GRM8: variants seen among roughly 807,000 people sequenced by gnomAD.
GRM8 encodes the protein glutamate metabotropic receptor 8, also known as metabotropic glutamate receptor 8.
Under a neutral mutation model 87.2 loss-of-function variants are expected in GRM8, and 47 were observed. The observed-to-expected ratio is 0.54, with a 90% CI of 0.43 to 0.69. GRM8 has a LOEUF of 0.69. GRM8 is among the 30% of genes least tolerant of loss of function. GRM8 has a pLI of 0.00. For missense variants in GRM8, 1,019 were observed against 1,139.2 expected, an observed-to-expected ratio of 0.89 and a Z score of 1.52; for synonymous variants, 396 against 404.5, an observed-to-expected ratio of 0.98 and a Z score of 0.25.
At chr7:126,707,536 G>A in intron 7 of GRM8, among the ~76,000 whole-genome samples, 1 of 152,004 alleles carries the variant, frequency 6.6e-6, no homozygotes, top group East Asian at 1.9e-4. Context: ...CTATACTCTA[G>A]GTCTACGCTA....
intron 2 of GRM8, among the ~76,000 whole-genome samples, chr7:127,133,706 C>CAAAA (rs137900224): frequency 3.0e-5 from 3 of 98,784 alleles, no homozygotes; most frequent in Non-Finnish European, 4.2e-5. Flanking sequence ...ACTCCCTCTC[C>CAAAA]AAAAAAAAAA....
At chr7:127,023,392 C>T (rs1178589209) in intron 3 of GRM8, among the ~76,000 whole-genome samples, 5 of 151,962 alleles carry the variant, frequency 3.3e-5, no homozygotes, top group Non-Finnish European at 5.9e-5. Flanking sequence ...ATTTTTAAGT[C>T]TTTGTTATCA....
intron 7 of GRM8, among the ~76,000 whole-genome samples, chr7:126,731,001 T>A (rs543483468): frequency 1.4e-3 from 214 of 152,296 alleles, no homozygotes; most frequent in African/African-American, 4.6e-3. Flanking sequence ...TTAAAAGTTA[T>A]AACAAATTAT....
intron 7 of GRM8, among the ~76,000 whole-genome samples, chr7:126,617,307 C>T (rs1436824095): frequency 1.3e-5 from 2 of 152,110 alleles, no homozygotes; most frequent in Non-Finnish European, 2.9e-5. Context: ...GAAGAAAAGG[C>T]CTTTGACAAA....
At chr7:126,451,282 C>T (rs1196075640) in intron 9 of GRM8, among the ~76,000 whole-genome samples, 1 of 151,756 alleles carries the variant, frequency 6.6e-6, no homozygotes. Context: ...TAATACCGTG[C>T]TTCTAGTTCT....
At chr7:127,179,520 G>A (rs1036382437) in intron 2 of GRM8, among the ~76,000 whole-genome samples, 2 of 151,752 alleles carry the variant, frequency 1.3e-5, no homozygotes, top group East Asian at 1.9e-4. Context: ...TATAGAGAAC[G>A]TTTCATCCAA....
At chr7:126,532,766 T>C (rs1490917523) in intron 9 of GRM8, among the ~76,000 whole-genome samples, 186 bp downstream of exon 9, 1 of 2,826 alleles carries the variant, frequency 3.5e-4, no homozygotes, top group African/African-American at 3.3e-3. Context: ...CGGATGGAGA[T>C]ATATATATAT....
At chr7:126,706,393 G>A (rs936249879) in intron 7 of GRM8, among the ~76,000 whole-genome samples, 2 of 152,226 alleles carry the variant, frequency 1.3e-5, no homozygotes, top group African/African-American at 4.8e-5. Context: ...TTGAGTCTCA[G>A]GAAGAGCTTA....
intron 7 of GRM8, among the ~76,000 whole-genome samples, chr7:126,691,988 T>C (rs1428866736): frequency 2.0e-5 from 3 of 152,098 alleles, no homozygotes; most frequent in African/African-American, 7.2e-5. Context: ...TGAAGGACTG[T>C]ATGGAGTTCT....
At chr7:126,577,723 T>C (rs1412453691) in intron 8 of GRM8, among the ~76,000 whole-genome samples, 2 of 152,062 alleles carry the variant, frequency 1.3e-5, no homozygotes, top group African/African-American at 4.8e-5. Context: ...AAAAGATAAA[T>C]CTCTATGTAA....
chr7:127,225,490 A>C (rs1797265918), intron 2 of GRM8, among the ~76,000 whole-genome samples: 1 of 151,882 alleles, frequency 6.6e-6, no homozygotes, highest in Admixed American at 6.6e-5. Flanking sequence ...TGCTGGAAAA[A>C]AAAAAAAAAT....
At chr7:126,992,976 T>G (rs948556943) in intron 3 of GRM8, among the ~76,000 whole-genome samples, 1 of 152,124 alleles carries the variant, frequency 6.6e-6, no homozygotes, top group African/African-American at 2.4e-5. Flanking sequence ...CATCCGTAAC[T>G]ATGAGAAAAT....
intron 6 of GRM8, among the ~76,000 whole-genome samples, chr7:126,892,267 A>G (rs566325446): frequency 2.8e-4 from 43 of 152,066 alleles, no homozygotes; most frequent in Admixed American, 2.2e-3. Context: ...AGCATTAGGT[A>G]TATCTCCTAA....
rs190469444 is a variant in GRM8 at position 126,546,225 on chromosome 7, T to A, written c.1495-12338A>T. Among the ~76,000 whole-genome samples the A allele has an allele frequency of 7.9e-5, 12 of 152,326 alleles. No homozygotes were observed. The East Asian group carries it at 2.3e-3, about 29-fold the overall frequency. On this transcript the variant is annotated intron_variant, in intron 8 of 10. Coordinates refer to ENST00000339582, the MANE Select transcript of GRM8 (RefSeq NM_000845.3). ...TTATAACAACCCCGTGAGTTAAGTA[T>A]TTTCCTCATATTTTGTTTAAAGAAA...
At chr7:126,519,882 A>T (rs1466971222) in intron 9 of GRM8, among the ~76,000 whole-genome samples, 2 of 152,150 alleles carry the variant, frequency 1.3e-5, no homozygotes, top group African/African-American at 4.8e-5. Flanking sequence ...GGAAAAAAAT[A>T]GATCTAGGAG....
chr7:126,504,627 G>A (rs182995871), intron 9 of GRM8, among the ~76,000 whole-genome samples: 4 of 152,010 alleles, frequency 2.6e-5, no homozygotes, highest in Non-Finnish European at 4.4e-5. Flanking sequence ...TAACAAACCT[G>A]CACATGTGCC....
intron 6 of GRM8, among the ~76,000 whole-genome samples, chr7:126,881,099 T>C (rs1211071978): frequency 1.3e-5 from 2 of 152,200 alleles, no homozygotes; most frequent in Admixed American, 6.6e-5. Context: ...TATTTTCATA[T>C]GGCCTCTGTA....
At chr7:126,613,406 G>T (rs1485765716) in intron 7 of GRM8, among the ~76,000 whole-genome samples, 1 of 152,170 alleles carries the variant, frequency 6.6e-6, no homozygotes, top group Non-Finnish European at 1.5e-5. Context: ...GGGGTTCCAA[G>T]ATGGCCAAAT....
chr7:127,199,739 C>T (rs1795487117), intron 2 of GRM8, among the ~76,000 whole-genome samples: 2 of 152,190 alleles, frequency 1.3e-5, no homozygotes, highest in South Asian at 2.1e-4. Flanking sequence ...ACAAACCATT[C>T]TCCCGTTTTC....
Sources: allele counts gnomAD v4.1 joint callset (sites outside exome capture counted in the v4.1 genomes callset), GRCh38; gene constraint gnomAD v4.1.1; transcripts MANE v1.5; gene names NCBI Gene and HGNC (gene_info 2026-07-23, HGNC 2026-07-21).